Variants in GMCL1 observed in about 807,000 individuals in gnomAD.
The protein encoded by GMCL1 is germ cell-less protein-like 1.
Under a neutral mutation model 75.5 loss-of-function variants are expected in GMCL1, and 54 were observed. The ratio of observed to expected loss-of-function variants is 0.71; its 90% CI spans 0.57 to 0.90. The LOEUF (loss-of-function observed/expected upper bound fraction) is 0.90, where lower values mean the gene tolerates loss of function less well. Ranked by LOEUF, GMCL1 falls within the 40% of genes least tolerant of loss-of-function variation. The pLI, the probability that GMCL1 is intolerant of heterozygous loss-of-function variation, is 0.00. For synonymous variants in GMCL1, 210 were observed against 209.6 expected, an observed-to-expected ratio of 1.00 and a Z score of -0.02; for missense variants, 537 against 622.7, an observed-to-expected ratio of 0.86 and a Z score of 1.47.
intron 1 of GMCL1, among the ~76,000 whole-genome samples, chr2:69,836,567 A>G (rs1674824053): frequency 6.6e-6 from 1 of 152,218 alleles, no homozygotes; most frequent in South Asian, 2.1e-4. Flanking sequence ...AGAGGTGTTA[A>G]GTACACAGGT....
chr2:69,845,921 C>G (rs1457101043), intron 6 of GMCL1, among the ~76,000 whole-genome samples: 2 of 150,836 alleles, frequency 1.3e-5, no homozygotes, highest in African/African-American at 2.4e-5. Flanking sequence ...CAAAGTCAAA[C>G]ATTACATAGC....
At chr2:69,839,674 G>T in intron 3 of GMCL1, 121 bp downstream of exon 3, 1 of 584,172 alleles carries the variant, frequency 1.7e-6, no homozygotes, top group Non-Finnish European at 3.1e-6. Context: ...ATCACCTCAA[G>T]GTGATAATTT....
chr2:69,850,100 A>G (rs946227258), intron 8 of GMCL1, among the ~76,000 whole-genome samples: 3 of 152,184 alleles, frequency 2.0e-5, no homozygotes, highest in Non-Finnish European at 4.4e-5. Context: ...CTAACAAGCT[A>G]TACCCCGTCA....
In GMCL1 at chr2:69,869,763, T is replaced by G; in HGVS notation, c.1263T>G (p.Leu421=). The G allele has an allele frequency of 1.9e-6, 3 of 1,614,100 alleles. No homozygotes were observed. The highest frequency in any genetic ancestry group is 2.5e-6 in the Non-Finnish European group (3 of 1,180,016). The change falls in exon 12 of 14, where the codon CTT becomes CTG. Residue 421 remains leucine, a synonymous_variant. Transcript: ENST00000282570. ...WTGFNFGFDL[L]VTYTNRYIIF... is the part of the protein sequence containing the mutation. ...GTTTTAACTTCGGCTTCGACCTACT[T>G]GTAACTTACACCAATCGATACATCA...
chr2:69,859,785 ACACCAGTAAAT>A (rs1412167621), intron 9 of GMCL1, among the ~76,000 whole-genome samples: 1 of 148,540 alleles, frequency 6.7e-6, no homozygotes, highest in East Asian at 2.0e-4. Flanking sequence ...TTAAGGAAAG[ACACCAGTAAAT>A]CATTGGAAGT....
intron 12 of GMCL1, among the ~76,000 whole-genome samples, chr2:69,871,011 G>A (rs775422163): frequency 8.5e-5 from 13 of 152,158 alleles, no homozygotes; most frequent in African/African-American, 2.9e-4. Flanking sequence ...TGATCCAGCA[G>A]TTTCTCTTCT....
chr2:69,859,144 CAAAAAAA>C (rs571712437), intron 9 of GMCL1, among the ~76,000 whole-genome samples: 6,272 of 62,694 alleles, frequency 0.1, 447 homozygotes, highest in African/African-American at 0.27. Context: ...GACTCTGTCT[CAAAAAAA>C]AAAAAAAAAA....
intron 1 of GMCL1, among the ~76,000 whole-genome samples, chr2:69,835,958 A>T (rs1674807733): frequency 2.0e-5 from 3 of 152,198 alleles, no homozygotes. Context: ...CAGCAGCTAC[A>T]CTACAGCCTT....
At chr2:69,848,740 C>T (rs1675225262) in intron 7 of GMCL1, among the ~76,000 whole-genome samples, 2 of 152,110 alleles carry the variant, frequency 1.3e-5, no homozygotes, top group Non-Finnish European at 2.9e-5. Context: ...GTTTACGTGC[C>T]GTGCACCATT....
chr2:69,865,114 G>C, intron 11 of GMCL1, 139 bp downstream of exon 11: 1 of 581,692 alleles, frequency 1.7e-6, no homozygotes, highest in Non-Finnish European at 3.0e-6. Context: ...TGATCTGCTG[G>C]GAAAGTAGTT....
At chr2:69,840,442 C>G (rs1296964401) in intron 3 of GMCL1, among the ~76,000 whole-genome samples, 2 of 151,784 alleles carry the variant, frequency 1.3e-5, no homozygotes, top group African/African-American at 4.8e-5. Flanking sequence ...ACAAAGCAAA[C>G]CATGTGGGAC....
chr2:69,837,058 G>A (rs1573341140), intron 1 of GMCL1, among the ~76,000 whole-genome samples: 1 of 152,164 alleles, frequency 6.6e-6, no homozygotes, highest in African/African-American at 2.4e-5. Context: ...GAATAGGTTG[G>A]TACCAAAATA....
At chr2:69,870,092 G>T (rs886277120) in intron 12 of GMCL1, among the ~76,000 whole-genome samples, 1 of 149,000 alleles carries the variant, frequency 6.7e-6, no homozygotes, top group Non-Finnish European at 1.5e-5. Context: ...TACCAGTAGG[G>T]AATATCAGCC....
chr2:69,854,785 G>A lies in GMCL1; in HGVS notation c.935-38G>A, dbSNP rs1226094008. ...AAAAACATTTAAGAATAATAGGTTTGAAAAGAATGGCTGTTTAACTTACAT... is the reference window on the plus strand; with the variant it reads ...AAAAACATTTAAGAATAATAGGTTTAAAAAGAATGGCTGTTTAACTTACAT... On this transcript the variant is annotated intron_variant, in intron 8 of 13. Transcript: ENST00000282570. 1.9e-6 allele frequency: 3 copies of A among 1,574,054 alleles called. No homozygotes were observed. The African/African-American group carries it at 4.1e-5, about 21-fold the overall frequency.
rs1259406584 is a variant in GMCL1, at chr2:69,879,450, G to T, written c.*446G>T. The T allele has an allele frequency of 6.5e-6, 1 of 152,942 alleles. No homozygotes were observed. The highest frequency in any genetic ancestry group is 1.5e-5 in the Non-Finnish European group (1 of 68,564). 9.5% of individuals were successfully genotyped at this position (152,942 alleles called of 1,614,324 possible). On this transcript the variant is annotated 3_prime_UTR_variant, in exon 14 of 14. Coordinates refer to ENST00000282570, the MANE Select transcript of GMCL1 (RefSeq NM_178439.5). ...CTAAAATAATCTAAAAGAATAATTT[G>T]GTTGGCCAATTAGAAATGCCTTTTT... is the stretch of plus-strand genomic sequence containing the variant.
At chr2:69,854,078 C>T (rs1165522025) in intron 8 of GMCL1, among the ~76,000 whole-genome samples, 1 of 151,814 alleles carries the variant, frequency 6.6e-6, no homozygotes, top group Non-Finnish European at 1.5e-5. Flanking sequence ...GTTGGGATTA[C>T]AGGCGTGAGC....
At chr2:69,871,595 T>C (rs1394813918) in intron 12 of GMCL1, 150 bp from the exon 13 acceptor site, 1 of 532,230 alleles carries the variant, frequency 1.9e-6, no homozygotes, top group African/African-American at 1.9e-5. Flanking sequence ...TGTCACTGAA[T>C]GCAGTCAGAT....
intron 5 of GMCL1, 109 bp downstream of exon 5, chr2:69,843,370 G>T (rs1675041209): frequency 3.5e-6 from 2 of 579,182 alleles, no homozygotes; most frequent in Non-Finnish European, 3.1e-6. Flanking sequence ...AGGAAAAATA[G>T]GATAGGGGGA....
chr2:69,857,335 G>C (rs1369348654), intron 9 of GMCL1, among the ~76,000 whole-genome samples: 1 of 152,190 alleles, frequency 6.6e-6, no homozygotes, highest in Non-Finnish European at 1.5e-5. Flanking sequence ...TCTACTTTGT[G>C]CTGAGTACTG....
Sources: allele counts gnomAD v4.1 joint callset (sites outside exome capture counted in the v4.1 genomes callset), GRCh38; gene constraint gnomAD v4.1.1; transcripts MANE v1.5; gene names NCBI Gene and HGNC (gene_info 2026-07-23, HGNC 2026-07-21).